Variants in MCM6 observed in about 807,000 individuals in gnomAD.
MCM6 encodes DNA replication licensing factor MCM6.
In MCM6, 46 loss-of-function variants were observed where a neutral mutation model predicts 94.3. The ratio of observed to expected loss-of-function variants is 0.49; its 90% CI spans 0.39 to 0.62. The LOEUF (loss-of-function observed/expected upper bound fraction) is 0.62. Ranked by LOEUF, MCM6 falls within the 20% of genes least tolerant of loss-of-function variation. The probability of loss-of-function intolerance (pLI) is 0.00; values close to 1 mark genes in which losing one functional copy is unlikely to be tolerated. For synonymous variants in MCM6, 335 were observed against 351.9 expected, an observed-to-expected ratio of 0.95 and a Z score of 0.54; for missense variants, 865 against 1,017.9, an observed-to-expected ratio of 0.85 and a Z score of 2.04.
intron 3 of MCM6, 44 bp downstream of exon 3, chr2:135,870,207 T>G (rs1304317400): frequency 7.0e-6 from 10 of 1,430,038 alleles, no homozygotes; most frequent in Non-Finnish European, 8.9e-6. Flanking sequence ...GTGGTACTTA[T>G]ACCATTTGGT....
intron 2 of MCM6, among the ~76,000 whole-genome samples, chr2:135,872,404 C>T (rs536133923): frequency 2.0e-5 from 3 of 152,186 alleles, no homozygotes; most frequent in African/African-American, 4.8e-5. Flanking sequence ...GCCAAGATCG[C>T]GCCACTGCAT....
intron 13 of MCM6, among the ~76,000 whole-genome samples, chr2:135,851,146 C>T (rs576191975): frequency 6.6e-6 from 1 of 152,274 alleles, no homozygotes; most frequent in African/African-American, 2.4e-5. Context: ...GTACATTTTT[C>T]CTGAATGAAA....
intron 12 of MCM6, chr2:135,851,861 T>C (rs981368425): frequency 4.9e-6 from 1 of 203,512 alleles, no homozygotes; most frequent in Admixed American, 5.5e-5. Flanking sequence ...AGATGTAATG[T>C]CTTTTACACC....
intron 3 of MCM6, among the ~76,000 whole-genome samples, chr2:135,869,221 C>A: frequency 6.6e-6 from 1 of 151,938 alleles, no homozygotes. Flanking sequence ...GCCAACATGG[C>A]GAAACCCCAC....
intron 1 of MCM6, among the ~76,000 whole-genome samples, chr2:135,873,845 A>C (rs3769000): frequency 0.066 from 10,107 of 152,272 alleles, 908 homozygotes; most frequent in African/African-American, 0.2. Context: ...TAAAAAAACA[A>C]CTACAAGTTA....
intron 15 of MCM6, 71 bp from the exon 16 acceptor site, chr2:135,844,755 C>G: frequency 7.1e-7 from 1 of 1,414,008 alleles, no homozygotes; most frequent in Non-Finnish European, 9.3e-7. Flanking sequence ...ATCTCTGCCA[C>G]ATATACAACG....
chr2:135,848,625 T>C (rs1242822670), intron 13 of MCM6, among the ~76,000 whole-genome samples: 1 of 152,188 alleles, frequency 6.6e-6, no homozygotes, highest in Non-Finnish European at 1.5e-5. Context: ...GGCTCATGTC[T>C]ATAATCCCAG....
In MCM6 at chr2:135,859,430, C is replaced by T. The variant is rs1453088515; in HGVS notation, c.1233G>A (p.Glu411=). Residue 411 remains glutamate (E), a synonymous_variant, in exon 9 of 17, where the codon GAG becomes GAA. Coordinates refer to ENST00000264156, the MANE Select transcript of MCM6 (RefSeq NM_005915.6). ...AKSQFLKHVE[E]FSPRAVYTSG... ...TGGTGTAGACAGCTCTGGGGCTGAA[C>T]TCCTCCACGTGCCTGTTCAAGGTTA... The T allele has an allele frequency of 6.2e-7, 1 of 1,611,132 alleles. No homozygotes were observed. The highest frequency in any genetic ancestry group is 1.1e-5 in the South Asian group (1 of 90,682).
chr2:135,864,176 G>A (rs1424377114), intron 7 of MCM6, among the ~76,000 whole-genome samples: 2 of 152,098 alleles, frequency 1.3e-5, no homozygotes, highest in African/African-American at 4.8e-5. Flanking sequence ...AATTGAGTAT[G>A]GAAGACAAGG....
intron 2 of MCM6, among the ~76,000 whole-genome samples, chr2:135,872,184 G>C (rs1575369022): frequency 6.6e-6 from 1 of 152,256 alleles, no homozygotes; most frequent in East Asian, 1.9e-4. Context: ...GGTGGCTCAC[G>C]CCTGTAATCC....
chr2:135,870,320 T>C lies in MCM6; in HGVS notation c.296A>G (p.Lys99Arg), dbSNP rs1575368349. The part of the protein sequence containing the change: ...YLCRALKTFV[K>R]DRKEIPLAKD... The stretch of plus-strand genomic sequence containing the variant: ...GGCAAGAGGGATCTCTTTACGGTCT[T>C]TGACGAATGTTTTCAAGGCCCGACA... Residue 99 changes from lysine to arginine, a missense_variant, in exon 3 of 17, where the codon AAA becomes AGA. Lys to Arg is a conservative substitution (Grantham distance 26, BLOSUM62 2). Around this residue, in one of 3 missense-constraint regions of MCM6, gnomAD observed 404 missense variants for 451.9 expected, o/e 0.89. Coordinates refer to ENST00000264156, the MANE Select transcript of MCM6 (RefSeq NM_005915.6). 1 of 1,613,832 alleles carries C rather than the reference T, an allele frequency of 6.2e-7. No homozygotes were observed. The highest frequency in any genetic ancestry group is 8.5e-7 in the Non-Finnish European group (1 of 1,179,874).
chr2:135,841,532 G>A (rs998870614), intron 16 of MCM6, among the ~76,000 whole-genome samples: 1 of 152,124 alleles, frequency 6.6e-6, no homozygotes, highest in Non-Finnish European at 1.5e-5. Context: ...AATGAGAAGA[G>A]CTCCTAGCCA....
chr2:135,868,738 G>A lies in MCM6; in HGVS notation c.488C>T (p.Thr163Ile). 5 of 1,614,158 alleles carry A rather than the reference G, an allele frequency of 3.1e-6. No individual in the cohort carries two copies. The highest frequency in any genetic ancestry group is 4.2e-6 in the Non-Finnish European group (5 of 1,180,034). ...SGTFLCLDCQ[T>I]VIRDVEQQFK... ...CTGCTGTTCTACATCCCTGATCACT[G>A]TCTGACAGTCCAAGCACAGAAAAGT... is the stretch of plus-strand genomic sequence containing the variant. Residue 163 changes from threonine to isoleucine, a missense_variant, in exon 4 of 17, where the codon ACA becomes ATA. Physicochemically the swap from Thr to Ile is moderately conservative, Grantham distance 89. Coordinates refer to ENST00000264156, the MANE Select transcript of MCM6 (RefSeq NM_005915.6).
chr2:135,860,339 T>G (rs1679967459), intron 8 of MCM6, among the ~76,000 whole-genome samples: 1 of 151,498 alleles, frequency 6.6e-6, no homozygotes, highest in Non-Finnish European at 1.5e-5. Context: ...TTTCACTGTG[T>G]TAGCCAGGAC....
At position 135,840,869 on chromosome 2, in the gene MCM6, A is replaced by G; in HGVS notation, c.2432T>C (p.Leu811Ser). Residue 811 changes from leucine to serine, a missense_variant, in exon 17 of 17, where the codon TTG (leucine) becomes TCG (serine). Around this residue, in one of 3 missense-constraint regions of MCM6, gnomAD observed 308 missense variants for 324.5 expected, o/e 0.95. Transcript: ENST00000264156. ...GSESYEEDPY[L>S]VVNPNYLLED ...GAGCAAGTAGTTAGGGTTAACTACC[A>G]AGTAGGGATCTTCTTCATAGCTCTC... The G allele has an allele frequency of 6.2e-7, 1 of 1,614,092 alleles. No homozygotes were observed. Among genetic ancestry groups the G allele is most frequent in the Non-Finnish European group, 8.5e-7 (1 of 1,179,922 alleles).
intron 3 of MCM6, among the ~76,000 whole-genome samples, chr2:135,869,398 C>T (rs56100342): frequency 7.8e-6 from 1 of 128,702 alleles, no homozygotes; most frequent in African/African-American, 3.0e-5. Flanking sequence ...AAGACTCTGT[C>T]TCAGAAAAAA....
At chr2:135,848,690 C>A (rs1338710017) in intron 13 of MCM6, among the ~76,000 whole-genome samples, 1 of 152,078 alleles carries the variant, frequency 6.6e-6, no homozygotes, top group African/African-American at 2.4e-5. Context: ...TTGAGACCAG[C>A]CTGACCAACA....
In MCM6 at chr2:135,866,231, A is replaced by G; in HGVS notation, c.828T>C (p.Tyr276=). The change falls in exon 6 of 17, where the codon TAT becomes TAC. Residue 276 remains tyrosine, a synonymous_variant. Transcript: ENST00000264156. ...TNSRVSGVDG[Y]ETEGIRGLRA... ...GGAGTCCTCGAATGCCTTCTGTCTC[A>G]TATCCATCAACACCACTGACACGGG... 6.2e-7 allele frequency: 1 copy of G among 1,614,196 alleles called. No homozygotes were observed. The highest frequency in any genetic ancestry group is 2.2e-5 in the East Asian group (1 of 44,884).
At chr2:135,865,412 G>A (rs4988176) in intron 6 of MCM6, among the ~76,000 whole-genome samples, 3,557 of 152,236 alleles carry the variant, frequency 0.023, 124 homozygotes, top group African/African-American at 0.08. Context: ...AGAGATAAGC[G>A]ATAGCAGAAT....
Sources: allele counts gnomAD v4.1 joint callset (sites outside exome capture counted in the v4.1 genomes callset), GRCh38; gene constraint gnomAD v4.1.1; regional missense constraint gnomAD v4.1.1; transcripts MANE v1.5; gene names NCBI Gene and HGNC (gene_info 2026-07-23, HGNC 2026-07-21).